Variants in SLC4A4 observed in about 807,000 individuals in gnomAD.
The protein encoded by SLC4A4 is solute carrier family 4 member 4, also known as electrogenic sodium bicarbonate cotransporter 1.
A neutral mutation model predicts 111.5 loss-of-function variants in SLC4A4; 27 were observed. That is an observed-to-expected ratio of 0.24 (90% CI 0.18 to 0.33). The LOEUF (loss-of-function observed/expected upper bound fraction) is 0.33. Among genes scored for constraint, SLC4A4 ranks in the 10% least tolerant of loss-of-function variants. The pLI, the probability that SLC4A4 is intolerant of heterozygous loss-of-function variation, is 1.00. For missense variants in SLC4A4, 909 were observed against 1,315.5 expected (o/e 0.69, Z 4.78); for synonymous variants, 443 against 463.4 (o/e 0.96, Z 0.57).
At chr4:71,280,876 A>G (rs1578744191) in intron 3 of SLC4A4, among the ~76,000 whole-genome samples, 1 of 152,136 alleles carries the variant, frequency 6.6e-6, no homozygotes, top group African/African-American at 2.4e-5. Flanking sequence ...TTTAACATTT[A>G]TTTTTCACCT....
At chr4:71,311,801 A>G (rs1333200797) in intron 3 of SLC4A4, among the ~76,000 whole-genome samples, 1 of 151,706 alleles carries the variant, frequency 6.6e-6, no homozygotes, top group African/African-American at 2.4e-5. Context: ...AAACAAATTT[A>G]AAAGCTAGCA....
At chr4:71,115,570 GT>G (rs1259569188) in intron 2 of SLC4A4, among the ~76,000 whole-genome samples, 1 of 152,068 alleles carries the variant, frequency 6.6e-6, no homozygotes, top group African/African-American at 2.4e-5. Flanking sequence ...AGTTTGTCTG[GT>G]TTTACTCTTC....
At chr4:71,363,388 G>T (rs1181766248) in intron 6 of SLC4A4, among the ~76,000 whole-genome samples, 1 of 152,100 alleles carries the variant, frequency 6.6e-6, no homozygotes, top group African/African-American at 2.4e-5. Context: ...TGGGACCACC[G>T]CCAGGTCTGG....
At chr4:71,526,907 C>G (rs1242507264) in intron 16 of SLC4A4, among the ~76,000 whole-genome samples, 1 of 152,068 alleles carries the variant, frequency 6.6e-6, no homozygotes, top group Admixed American at 6.6e-5. Context: ...AAGTCTTTCT[C>G]ACACTTTATT....
intron 2 of SLC4A4, among the ~76,000 whole-genome samples, chr4:71,165,343 C>A (rs1316698147): frequency 6.6e-6 from 1 of 152,152 alleles, no homozygotes; most frequent in Non-Finnish European, 1.5e-5. Context: ...GAAAATGTGG[C>A]ACATATACAC....
intron 7 of SLC4A4, among the ~76,000 whole-genome samples, chr4:71,421,905 C>A (rs1722552857): frequency 6.6e-6 from 1 of 151,704 alleles, no homozygotes; most frequent in East Asian, 1.9e-4. Flanking sequence ...AAATTGACAC[C>A]CTAACATCAC....
At chr4:71,093,151 T>G (rs28579181) in intron 2 of SLC4A4, among the ~76,000 whole-genome samples, 1,838 of 152,110 alleles carry the variant, frequency 0.012, 29 homozygotes, top group East Asian at 0.044. Context: ...TATTTTGACC[T>G]CTTTTGTTTT....
chr4:71,230,913 A>G (rs1227642718), intron 1 of SLC4A4, among the ~76,000 whole-genome samples: 1 of 152,204 alleles, frequency 6.6e-6, no homozygotes, highest in Non-Finnish European at 1.5e-5. Flanking sequence ...AGTAGCTGCA[A>G]TCCTGGGTGG....
chr4:71,316,859 C>T (rs538666169), intron 3 of SLC4A4, among the ~76,000 whole-genome samples: 1 of 152,076 alleles, frequency 6.6e-6, no homozygotes, highest in African/African-American at 2.4e-5. Context: ...TGAGCTCCAT[C>T]CATGTCCCTG....
chr4:71,333,261 G>C (rs1728165950), intron 3 of SLC4A4, among the ~76,000 whole-genome samples: 1 of 152,248 alleles, frequency 6.6e-6, no homozygotes, highest in Admixed American at 6.5e-5. Flanking sequence ...CATAAGCCCA[G>C]TAATGCTGTG....
chr4:71,285,933 G>A (rs184407574), intron 3 of SLC4A4, among the ~76,000 whole-genome samples: 1 of 152,154 alleles, frequency 6.6e-6, no homozygotes, highest in Admixed American at 6.5e-5. Flanking sequence ...TCACTAGGAG[G>A]TCTTGTTAAA....
At chr4:71,186,612 G>A (rs1040413205), upstream of SLC4A4, 1 of 151,486 alleles carries the variant, frequency 6.6e-6, no homozygotes, top group Non-Finnish European at 1.5e-5. Flanking sequence ...GGCGCGGCTC[G>A]AGGCCCCTCC....
At chr4:71,522,714 G>A (rs1733063295) in intron 16 of SLC4A4, among the ~76,000 whole-genome samples, 1 of 152,132 alleles carries the variant, frequency 6.6e-6, no homozygotes, top group Admixed American at 6.5e-5. Flanking sequence ...ATGAATTGGT[G>A]TAATCATAAG....
chr4:71,500,307 G>A (rs1730795771), intron 16 of SLC4A4, among the ~76,000 whole-genome samples: 1 of 152,100 alleles, frequency 6.6e-6, no homozygotes, highest in African/African-American at 2.4e-5. Flanking sequence ...AATCCTGTTT[G>A]TCTATGTTTG....
intron 1 of SLC4A4, among the ~76,000 whole-genome samples, chr4:71,064,706 C>T (rs72858418): frequency 0.087 from 13,193 of 152,096 alleles, 2,008 homozygotes; most frequent in African/African-American, 0.3. Flanking sequence ...GGACTGGTCA[C>T]GTATTAGGGC....
chr4:71,277,622 CCTTCCT>C (rs1355887242), intron 3 of SLC4A4, among the ~76,000 whole-genome samples: 2 of 148,698 alleles, frequency 1.3e-5, no homozygotes, highest in Non-Finnish European at 3.0e-5. Context: ...TTCCTTCCTT[CCTTCCT>C]CTCTCTCTCA....
intron 3 of SLC4A4, among the ~76,000 whole-genome samples, chr4:71,299,532 A>G (rs1725054048): frequency 6.6e-6 from 1 of 152,174 alleles, no homozygotes; most frequent in Admixed American, 6.5e-5. Flanking sequence ...GGGCTTCAAG[A>G]TGGCTCTCAG....
chr4:71,139,179 TTGTG>T (rs57359640), intron 2 of SLC4A4, among the ~76,000 whole-genome samples: 11,489 of 144,406 alleles, frequency 0.08, 522 homozygotes, highest in South Asian at 0.13. Context: ...TCCCTTTTCT[TTGTG>T]TGTGTGTGTG....
intron 2 of SLC4A4, among the ~76,000 whole-genome samples, chr4:71,132,881 A>G (rs1373544677): frequency 6.6e-6 from 1 of 152,160 alleles, no homozygotes; most frequent in Non-Finnish European, 1.5e-5. Context: ...TGTGTGTATC[A>G]CTGTGTTGGG....
Sources: gnomAD v4.1 joint callset for allele counts (sites outside exome capture counted in the v4.1 genomes callset) on GRCh38, gnomAD v4.1.1 for gene constraint, MANE v1.5 for transcripts, NCBI Gene and HGNC (gene_info 2026-07-23, HGNC 2026-07-21) for gene names.